The following PLEKHA5 variants were observed in gnomAD, a reference collection of about 807,000 sequenced individuals.
PLEKHA5 encodes pleckstrin homology domain containing A5.
A neutral mutation model predicts 181.9 loss-of-function variants in PLEKHA5; 55 were observed. The observed-to-expected ratio is 0.30, with a 90% CI of 0.24 to 0.38. The LOEUF (loss-of-function observed/expected upper bound fraction) is 0.38. Ranked by LOEUF, PLEKHA5 falls within the 10% of genes least tolerant of loss-of-function variation. PLEKHA5 has a pLI of 1.00. For missense variants in PLEKHA5, 1,432 were observed against 1,549.5 expected (o/e 0.92, Z 1.27); for synonymous variants, 535 against 529.4 (o/e 1.01, Z -0.15).
At chr12:19,231,981 T>C (rs1217379975) in intron 3 of PLEKHA5, among the ~76,000 whole-genome samples, 6 of 152,078 alleles carry the variant, frequency 3.9e-5, no homozygotes, top group Non-Finnish European at 8.8e-5. Context: ...GATATAAATA[T>C]AACCACACAT....
At chr12:19,206,055 A>G (rs1267580649) in intron 3 of PLEKHA5, among the ~76,000 whole-genome samples, 3 of 152,130 alleles carry the variant, frequency 2.0e-5, no homozygotes, top group East Asian at 1.9e-4. Context: ...TTCTGTATTC[A>G]TATTTAGAAT....
chr12:19,278,626 T>C (rs1254887387), intron 11 of PLEKHA5, among the ~76,000 whole-genome samples: 1 of 152,110 alleles, frequency 6.6e-6, no homozygotes, highest in African/African-American at 2.4e-5. Flanking sequence ...TATTTGCACA[T>C]AGTCATGGGA....
chr12:19,194,518 C>T (rs891466300), intron 3 of PLEKHA5, among the ~76,000 whole-genome samples: 2 of 152,176 alleles, frequency 1.3e-5, no homozygotes, highest in Admixed American at 1.3e-4. Context: ...GAGAAATCTT[C>T]ATACTGATTT....
chr12:19,285,081 A>G (rs1592322863), intron 12 of PLEKHA5, among the ~76,000 whole-genome samples: 1 of 152,348 alleles, frequency 6.6e-6, no homozygotes, highest in East Asian at 1.9e-4. Flanking sequence ...TTAATAGATT[A>G]ATCAGGAATT....
At chr12:19,369,561 T>C in intron 30 of PLEKHA5, 132 bp from the exon 31 acceptor site, 1 of 448,334 alleles carries the variant, frequency 2.2e-6, no homozygotes, top group South Asian at 3.7e-5. Context: ...AAAATCACAA[T>C]AGAACCAAAT....
intron 3 of PLEKHA5, among the ~76,000 whole-genome samples, chr12:19,191,214 G>A (rs2051048414): frequency 6.6e-6 from 1 of 152,100 alleles, no homozygotes; most frequent in African/African-American, 2.4e-5. Context: ...ATCTACTAAT[G>A]GGTCAGACCA....
intron 15 of PLEKHA5, chr12:19,307,233 G>A: frequency 1.9e-6 from 1 of 529,730 alleles, no homozygotes; most frequent in Non-Finnish European, 3.4e-6. Flanking sequence ...AGAGCTTTGG[G>A]AGGCTGAGGA....
chr12:19,281,438 A>G lies in PLEKHA5; in HGVS notation c.1314-1842A>G, dbSNP rs957809378. On this transcript the variant is annotated intron_variant, in intron 11 of 31. Coordinates refer to ENST00000429027, the MANE Select transcript of PLEKHA5 (RefSeq NM_001256470.2). The stretch of plus-strand genomic sequence containing the variant: ...CAAAAGTACAAAAAATTAGCTGGGC[A>G]TGGTGGCTGGTGCCTGTAGTCCCAG... Among the ~76,000 whole-genome samples, 8 of 151,886 alleles carry G rather than the reference A, an allele frequency of 5.3e-5. No individual in the cohort carries two copies. The East Asian group carries it at 1.6e-3, about 30-fold the overall frequency.
rs1472571427 is a variant in PLEKHA5, at chr12:19,328,576, TG to T, written c.2448+5910del. ...TCCTAGGAGTGTGTGTGTGTGTGTGTGTGTGTGTGTGTGTGTGTGTGTATTG... is the reference window on the plus strand; with the variant it reads ...TCCTAGGAGTGTGTGTGTGTGTGTGTTGTGTGTGTGTGTGTGTGTGTATTG... On this transcript the variant is annotated intron_variant, in intron 20 of 31. Transcript: ENST00000429027. Among the ~76,000 whole-genome samples the T allele has an allele frequency of 2.0e-5, 3 of 150,562 alleles. 1 individual carries two copies. Among genetic ancestry groups the T allele is most frequent in the African/African-American group, 7.3e-5 (3 of 41,130 alleles).
chr12:19,286,548 C>T (rs1194786901), intron 12 of PLEKHA5, among the ~76,000 whole-genome samples: 1 of 152,086 alleles, frequency 6.6e-6, no homozygotes, highest in African/African-American at 2.4e-5. Flanking sequence ...AAGAATCCAG[C>T]CAGACATTAA....
intron 3 of PLEKHA5, among the ~76,000 whole-genome samples, chr12:19,232,205 A>G (rs1222224883): frequency 6.6e-6 from 1 of 152,166 alleles, no homozygotes; most frequent in African/African-American, 2.4e-5. Flanking sequence ...ATATTAACAG[A>G]TTATTTGAGA....
intron 3 of PLEKHA5, among the ~76,000 whole-genome samples, chr12:19,189,551 T>C (rs764824774): frequency 7.2e-5 from 11 of 152,050 alleles, no homozygotes; most frequent in Non-Finnish European, 1.5e-4. Flanking sequence ...GGAGGAGTTG[T>C]GGATTGAAGG....
At chr12:19,373,966 C>T (rs570373370) in intron 31 of PLEKHA5, among the ~76,000 whole-genome samples, 11 of 152,212 alleles carry the variant, frequency 7.2e-5, no homozygotes, top group African/African-American at 2.2e-4. Flanking sequence ...AGAGCAGTGG[C>T]ATACTGTAAT....
chr12:19,280,878 T>A (rs1364204976), intron 11 of PLEKHA5, among the ~76,000 whole-genome samples: 1 of 151,848 alleles, frequency 6.6e-6, no homozygotes, highest in Non-Finnish European at 1.5e-5. Context: ...ACCTGGCTGA[T>A]TTTTGTATTT....
rs112259033 is a variant in PLEKHA5 at position 19,289,295 on chromosome 12, T to C, written c.1864-1382T>C. On this transcript the variant is annotated intron_variant, in intron 13 of 31. Transcript: ENST00000429027. ...CCAATAGTAACTTCTGCTAACACTT[T>C]TTCTTCTGAAGGCAATAATTTTTAA... 2.0e-5 allele frequency among the ~76,000 whole-genome samples: 3 copies of C among 152,374 alleles called. 1 individual carries two copies. Among genetic ancestry groups the C allele is most frequent in the African/African-American group, 7.2e-5 (3 of 41,594 alleles).
intron 3 of PLEKHA5, among the ~76,000 whole-genome samples, chr12:19,148,423 G>C (rs984431038): frequency 2.0e-5 from 3 of 152,210 alleles, no homozygotes; most frequent in African/African-American, 4.8e-5. Flanking sequence ...GCTCAGGCAC[G>C]TACTGCTGGC....
intron 25 of PLEKHA5, among the ~76,000 whole-genome samples, chr12:19,349,617 G>A (rs2094494089): frequency 6.6e-6 from 1 of 151,754 alleles, no homozygotes; most frequent in Non-Finnish European, 1.5e-5. Flanking sequence ...AGATTAAAAA[G>A]ATAGATAGGC....
At chr12:19,229,289 T>C (rs1400542641) in intron 3 of PLEKHA5, among the ~76,000 whole-genome samples, 2 of 152,204 alleles carry the variant, frequency 1.3e-5, no homozygotes, top group Non-Finnish European at 1.5e-5. Flanking sequence ...GGTGGGTTCT[T>C]GGTGTCACTG....
Position 19,290,750 on chromosome 12 carries a change from C to A in PLEKHA5, c.1937C>A (p.Thr646Lys). The A allele has an allele frequency of 6.5e-7, 1 of 1,535,892 alleles. No individual in the cohort carries two copies. Among genetic ancestry groups the A allele is most frequent in the Non-Finnish European group, 8.7e-7 (1 of 1,146,480 alleles). ...QAELSSIREH[T>K]LAQLMQLKLE... is the part of the protein sequence containing the mutation. ...GAACTGAGTAGTATCCGGGAGCATA[C>A]GTTAGCACAGCTCATGCAGCTAAAG... The change falls in exon 14 of 32, where the codon ACG becomes AAG. Residue 646 changes from threonine to lysine, a missense_variant. Physicochemically the swap from Thr to Lys is moderately conservative, Grantham distance 78. This residue lies in a region of PLEKHA5 where 1,143 missense variants were observed against 1,168.4 expected (regional missense o/e 0.98). Coordinates refer to ENST00000429027, the MANE Select transcript of PLEKHA5 (RefSeq NM_001256470.2).
Sources: allele counts gnomAD v4.1 joint callset (sites outside exome capture counted in the v4.1 genomes callset), GRCh38; gene constraint gnomAD v4.1.1; regional missense constraint gnomAD v4.1.1; transcripts MANE v1.5; gene names NCBI Gene and HGNC (gene_info 2026-07-23, HGNC 2026-07-21).